The following PARD3 variants were observed in gnomAD, a reference collection of about 807,000 sequenced individuals.
PARD3 encodes the protein partitioning defective 3 homolog.
PARD3 carries 75 observed loss-of-function variants against 155.4 expected under a neutral mutation model. The ratio of observed to expected loss-of-function variants is 0.48; its 90% CI spans 0.40 to 0.58. The LOEUF is 0.58. PARD3 is among the 20% of genes least tolerant of loss of function. The pLI, the probability that PARD3 is intolerant of heterozygous loss-of-function variation, is 0.00. For synonymous variants in PARD3, 576 were observed against 610.5 expected, an observed-to-expected ratio of 0.94 and a Z score of 0.83; for missense variants, 1,642 against 1,721.7, an observed-to-expected ratio of 0.95 and a Z score of 0.82.
At chr10:34,546,516 CAA>C (rs11299027) in intron 2 of PARD3, among the ~76,000 whole-genome samples, 16 of 145,414 alleles carry the variant, frequency 1.1e-4, no homozygotes, top group African/African-American at 1.5e-4. Flanking sequence ...GACTCTGTCT[CAA>C]AAAAAAAAAA....
intron 23 of PARD3, among the ~76,000 whole-genome samples, chr10:34,124,174 T>G (rs1284227017): frequency 6.6e-6 from 1 of 152,180 alleles, no homozygotes; most frequent in Non-Finnish European, 1.5e-5. Flanking sequence ...CTGCAAAATT[T>G]TGTATGTCCA....
At chr10:34,244,727 A>G (rs10827341) in intron 22 of PARD3, among the ~76,000 whole-genome samples, 15,781 of 152,248 alleles carry the variant, frequency 0.1, 2,552 homozygotes, top group African/African-American at 0.35. Context: ...CACATGCTAT[A>G]TAAAGGAATC....
chr10:34,209,222 G>A (rs1027983745), intron 22 of PARD3, among the ~76,000 whole-genome samples: 1 of 152,122 alleles, frequency 6.6e-6, no homozygotes, highest in Non-Finnish European at 1.5e-5. Context: ...AAATGCACTG[G>A]TTGTTTGAAT....
chr10:34,360,438 C>G (rs890887217), intron 12 of PARD3, among the ~76,000 whole-genome samples, 179 bp from the exon 13 acceptor site: 1 of 152,146 alleles, frequency 6.6e-6, no homozygotes, highest in Non-Finnish European at 1.5e-5. Flanking sequence ...ATTCTTGGAA[C>G]CAGCTGTTAA....
intron 2 of PARD3, among the ~76,000 whole-genome samples, chr10:34,524,917 C>CGATG (rs2082374873): frequency 6.6e-6 from 1 of 152,004 alleles, no homozygotes; most frequent in African/African-American, 2.4e-5. Flanking sequence ...GAAGCAAATG[C>CGATG]GATGATGTAG....
At chr10:34,539,366 A>G (rs1467330683) in intron 2 of PARD3, among the ~76,000 whole-genome samples, 1 of 152,194 alleles carries the variant, frequency 6.6e-6, no homozygotes, top group Non-Finnish European at 1.5e-5. Context: ...TAAAAAGCAG[A>G]GTAATAAATA....
chr10:34,149,836 CT>C (rs1160023236), intron 22 of PARD3, among the ~76,000 whole-genome samples: 3 of 152,126 alleles, frequency 2.0e-5, no homozygotes, highest in Non-Finnish European at 4.4e-5. Flanking sequence ...TGATGTTGTT[CT>C]TTTTGCCTTG....
At position 34,165,795 on chromosome 10, in the gene PARD3, C is replaced by T. The variant is rs563957645; in HGVS notation, c.3420-34212G>A. ...ATCTTTTACATCTCTTTGTTTGTTC[C>T]GTTCTCATTCATTGGCTGGTATATC... is the stretch of plus-strand genomic sequence containing the variant. On this transcript the variant is annotated intron_variant, in intron 22 of 24. Coordinates refer to ENST00000374788, the MANE Select transcript of PARD3 (RefSeq NM_001184785.2). 4.6e-5 allele frequency among the ~76,000 whole-genome samples: 7 copies of T among 152,220 alleles called. No homozygotes were observed. The South Asian group carries it at 6.2e-4, about 14-fold the overall frequency.
chr10:34,669,310 A>G (rs1466093223), intron 2 of PARD3, among the ~76,000 whole-genome samples: 1 of 152,200 alleles, frequency 6.6e-6, no homozygotes, highest in Non-Finnish European at 1.5e-5. Context: ...GTCTTGCAGC[A>G]ATATTGATGG....
intron 1 of PARD3, among the ~76,000 whole-genome samples, chr10:34,705,439 G>A (rs1249700152): frequency 6.7e-6 from 1 of 150,344 alleles, no homozygotes; most frequent in Non-Finnish European, 1.5e-5. Flanking sequence ...AGTAAGCTGT[G>A]ATCATACCAC....
chr10:34,815,020 G>C lies in PARD3; in HGVS notation c.-25C>G. 1 of 1,401,508 alleles carries C rather than the reference G, an allele frequency of 7.1e-7. No homozygotes were observed. Among genetic ancestry groups the C allele is most frequent in the South Asian group, 1.5e-5 (1 of 66,848 alleles). The allele number at this position is 1,401,508 out of a possible 1,614,324, so 86.8% of individuals were successfully genotyped here. On this transcript the variant is annotated 5_prime_UTR_variant, in exon 1 of 25. Coordinates refer to ENST00000374788, the MANE Select transcript of PARD3 (RefSeq NM_001184785.2). ...TGCCGCCGCCGCCGCGGGCGGGCCCGCGCCCCTCGCCGAGCGCAGCCGGAG... is the reference window on the plus strand; with the variant it reads ...TGCCGCCGCCGCCGCGGGCGGGCCCCCGCCCCTCGCCGAGCGCAGCCGGAG...
intron 2 of PARD3, among the ~76,000 whole-genome samples, chr10:34,535,555 T>G (rs1331177800): frequency 6.6e-6 from 1 of 152,182 alleles, no homozygotes; most frequent in East Asian, 1.9e-4. Flanking sequence ...GGCGCAATCT[T>G]AGCTCACTGC....
At chr10:34,169,557 C>G (rs556927517) in intron 22 of PARD3, among the ~76,000 whole-genome samples, 1 of 152,070 alleles carries the variant, frequency 6.6e-6, no homozygotes, top group Non-Finnish European at 1.5e-5. Flanking sequence ...TACTAGGGAC[C>G]AAATGGAGAA....
At chr10:34,192,795 C>T (rs1403627141) in intron 22 of PARD3, among the ~76,000 whole-genome samples, 3 of 152,134 alleles carry the variant, frequency 2.0e-5, no homozygotes, top group East Asian at 3.9e-4. Flanking sequence ...TTTCTAAGAA[C>T]CCATGAAATC....
chr10:34,179,336 T>C (rs1950173205), intron 22 of PARD3, among the ~76,000 whole-genome samples: 1 of 152,144 alleles, frequency 6.6e-6, no homozygotes, highest in South Asian at 2.1e-4. Flanking sequence ...TGCTGCTCCT[T>C]CTCCAAATAC....
At position 34,500,578 on chromosome 10, in the gene PARD3, C is replaced by T. The variant is rs185664954; in HGVS notation, c.403+16401G>A. 4.8e-3 allele frequency among the ~76,000 whole-genome samples: 734 copies of T among 152,058 alleles called. 2 individuals carry two copies. The highest frequency in any genetic ancestry group is 0.01 in the Middle Eastern group (3 of 294). On this transcript the variant is annotated intron_variant, in intron 3 of 24. Transcript: ENST00000374788. ...CCAACATGGTGAAACCTCATCTCTA[C>T]AAAAATACAAAAATTAGCTGGGTGT...
At chr10:34,588,394 T>C (rs1265242159) in intron 2 of PARD3, among the ~76,000 whole-genome samples, 1 of 152,188 alleles carries the variant, frequency 6.6e-6, no homozygotes, top group East Asian at 1.9e-4. Flanking sequence ...CATTCTTTTC[T>C]GGTGACCCCA....
At chr10:34,507,390 G>C (rs1380149956) in intron 3 of PARD3, among the ~76,000 whole-genome samples, 1 of 151,526 alleles carries the variant, frequency 6.6e-6, no homozygotes, top group African/African-American at 2.4e-5. Context: ...TTTGTTACAG[G>C]TCAGAAAAAA....
chr10:34,493,826 T>C (rs1311792955), intron 3 of PARD3, among the ~76,000 whole-genome samples: 1 of 152,102 alleles, frequency 6.6e-6, no homozygotes, highest in Non-Finnish European at 1.5e-5. Context: ...AATCTTCACG[T>C]TCGAATTATT....
Sources: allele counts gnomAD v4.1 joint callset (sites outside exome capture counted in the v4.1 genomes callset), GRCh38; gene constraint gnomAD v4.1.1; transcripts MANE v1.5; gene names NCBI Gene and HGNC (gene_info 2026-07-23, HGNC 2026-07-21).